Variants in KLHL32 observed in about 807,000 individuals in gnomAD.
KLHL32 encodes kelch-like protein 32.
In KLHL32, 35 loss-of-function variants were observed where a neutral mutation model predicts 64.8. That is an observed-to-expected ratio of 0.54 (90% confidence interval 0.41 to 0.72). The LOEUF (loss-of-function observed/expected upper bound fraction) is 0.72. KLHL32 is among the 30% of genes least tolerant of loss of function. The probability of loss-of-function intolerance (pLI) is 0.00; values close to 1 mark genes in which losing one functional copy is unlikely to be tolerated. For missense variants in KLHL32, 589 were observed against 768.5 expected (o/e 0.77, Z 2.76); for synonymous variants, 259 against 281.0 (o/e 0.92, Z 0.78).
intron 1 of KLHL32, among the ~76,000 whole-genome samples, chr6:96,944,382 A>G (rs1181541536): frequency 1.3e-5 from 2 of 152,200 alleles, no homozygotes; most frequent in African/African-American, 4.8e-5. Flanking sequence ...GTTGTTTTTA[A>G]GTTTCTTTAC....
chr6:97,034,086 A>G (rs570635572), intron 3 of KLHL32, among the ~76,000 whole-genome samples: 6 of 151,752 alleles, frequency 4.0e-5, no homozygotes, highest in Admixed American at 6.6e-5. Context: ...TGTCTTATCC[A>G]AAAAATTATT....
At chr6:97,046,501 C>T (rs1785948065) in intron 4 of KLHL32, among the ~76,000 whole-genome samples, 1 of 152,060 alleles carries the variant, frequency 6.6e-6, no homozygotes, top group South Asian at 2.1e-4. Flanking sequence ...GGAAACTGTG[C>T]CTTTTCAAGT....
At chr6:97,132,079 G>A (rs1254406252) in intron 9 of KLHL32, among the ~76,000 whole-genome samples, 7 of 152,104 alleles carry the variant, frequency 4.6e-5, no homozygotes. Context: ...TCAGCATCTA[G>A]GGATTATCCA....
intron 7 of KLHL32, among the ~76,000 whole-genome samples, chr6:97,118,946 A>G (rs1423762299): frequency 6.6e-6 from 1 of 152,194 alleles, no homozygotes; most frequent in Non-Finnish European, 1.5e-5. Context: ...GAAAGGTAGC[A>G]CCTAAAATAA....
At chr6:97,015,641 G>A (rs894152997) in intron 3 of KLHL32, among the ~76,000 whole-genome samples, 1 of 152,192 alleles carries the variant, frequency 6.6e-6, no homozygotes, top group African/African-American at 2.4e-5. Flanking sequence ...GCAGCCTGAT[G>A]ATGCAATAGA....
intron 8 of KLHL32, among the ~76,000 whole-genome samples, chr6:97,129,809 G>C (rs1292614417): frequency 6.6e-6 from 1 of 152,140 alleles, no homozygotes; most frequent in East Asian, 1.9e-4. Context: ...CTTGAACCTG[G>C]GAGGCGGAGG....
At chr6:97,056,391 C>A (rs985248106) in intron 4 of KLHL32, among the ~76,000 whole-genome samples, 52 of 152,278 alleles carry the variant, frequency 3.4e-4, no homozygotes, top group African/African-American at 1.2e-3. Flanking sequence ...AAACGTGAGC[C>A]ACCAGGCCCG....
intron 5 of KLHL32, among the ~76,000 whole-genome samples, chr6:97,066,034 G>A (rs118188443): frequency 0.011 from 1,734 of 152,096 alleles, 30 homozygotes; most frequent in East Asian, 0.043. Context: ...ATTGTTACGT[G>A]GTATAGGAAA....
At chr6:97,074,258 G>A (rs1036360277) in intron 5 of KLHL32, among the ~76,000 whole-genome samples, 10 of 152,098 alleles carry the variant, frequency 6.6e-5, no homozygotes, top group Non-Finnish European at 1.5e-4. Flanking sequence ...GTCTGGGGAG[G>A]GCCTAAGAAC....
At chr6:97,029,425 A>G (rs1783194637) in intron 3 of KLHL32, among the ~76,000 whole-genome samples, 1 of 152,228 alleles carries the variant, frequency 6.6e-6, no homozygotes, top group African/African-American at 2.4e-5. Context: ...AGGTGAGGGA[A>G]AATTGGTATT....
chr6:97,072,322 C>T (rs1215569289), intron 5 of KLHL32, among the ~76,000 whole-genome samples: 2 of 152,206 alleles, frequency 1.3e-5, no homozygotes, highest in East Asian at 1.9e-4. Context: ...TGCTTTCCCT[C>T]TTGCCCCATT....
chr6:96,952,213 G>A (rs1308091367), intron 1 of KLHL32, among the ~76,000 whole-genome samples: 1 of 152,106 alleles, frequency 6.6e-6, no homozygotes, highest in East Asian at 1.9e-4. Context: ...GAATAATTGG[G>A]TAAATAATTA....
At chr6:97,104,176 T>G (rs1480042898) in intron 6 of KLHL32, among the ~76,000 whole-genome samples, 1 of 152,250 alleles carries the variant, frequency 6.6e-6, no homozygotes, top group Non-Finnish European at 1.5e-5. Flanking sequence ...AAATAAATCC[T>G]CTTTTGTTAT....
At chr6:96,956,186 C>T (rs935535183) in intron 1 of KLHL32, among the ~76,000 whole-genome samples, 5 of 152,160 alleles carry the variant, frequency 3.3e-5, no homozygotes, top group African/African-American at 1.2e-4. Context: ...GACCTGCCCC[C>T]ATGATTCAGT....
At chr6:97,110,761 G>C (rs990298356) in intron 6 of KLHL32, among the ~76,000 whole-genome samples, 2 of 152,216 alleles carry the variant, frequency 1.3e-5, no homozygotes, top group African/African-American at 4.8e-5. Flanking sequence ...CAGCTTTGCA[G>C]GCGGGAACCG....
the KLHL32 span, among the ~76,000 whole-genome samples, chr6:96,899,922 A>G: frequency 5.9e-5 from 9 of 152,354 alleles, no homozygotes; most frequent in East Asian, 1.5e-3. Flanking sequence ...ATCTTAAGAT[A>G]CTAATAAACC....
Position 97,106,742 on chromosome 6 carries a change from C to CAAA in KLHL32, c.628-7029_628-7027dup, listed in dbSNP as rs113362615. On this transcript the variant is annotated intron_variant, in intron 6 of 10. Coordinates refer to ENST00000369261, the MANE Select transcript of KLHL32 (RefSeq NM_052904.4). ...CCGGGTGACAGAGGAGACCCTGTCT[C>CAAA]AAAAAAAAAAAAAATTAAATGTGAA... is the stretch of plus-strand genomic sequence containing the variant. Among the ~76,000 whole-genome samples the CAAA allele has an allele frequency of 4.0e-4, 47 of 118,718 alleles. 1 individual carries two copies. The highest frequency in any genetic ancestry group is 1.2e-3 in the African/African-American group (40 of 33,144). The allele number at this position is 118,718 out of a possible 152,430, so 77.9% of individuals were successfully genotyped here.
chr6:97,001,195 T>A (rs1480932608), intron 3 of KLHL32, among the ~76,000 whole-genome samples: 1 of 152,178 alleles, frequency 6.6e-6, no homozygotes, highest in Non-Finnish European at 1.5e-5. Flanking sequence ...AATAATGATG[T>A]GTAAATGTTG....
chr6:97,102,082 T>TGA (rs1795803644), intron 6 of KLHL32, among the ~76,000 whole-genome samples: 1 of 152,238 alleles, frequency 6.6e-6, no homozygotes, highest in African/African-American at 2.4e-5. Flanking sequence ...CTTGTTTTGC[T>TGA]GAGTATCAGT....
Sources: gnomAD v4.1 joint callset for allele counts (sites outside exome capture counted in the v4.1 genomes callset) on GRCh38, gnomAD v4.1.1 for gene constraint, MANE v1.5 for transcripts, NCBI Gene and HGNC (gene_info 2026-07-23, HGNC 2026-07-21) for gene names.